COL4A6: variants seen among roughly 807,000 people sequenced by gnomAD.
COL4A6 encodes collagen alpha-6(IV) chain.
COL4A6 carries 59 observed loss-of-function variants against 126.7 expected under a neutral mutation model. The ratio of observed to expected loss-of-function variants is 0.47; its 90% CI spans 0.38 to 0.58. COL4A6 has a LOEUF of 0.58. COL4A6 is among the 20% of genes least tolerant of loss of function. The probability of loss-of-function intolerance (pLI) is 0.00; values close to 1 mark genes in which losing one functional copy is unlikely to be tolerated. For missense variants in COL4A6, 1,285 were observed against 1,337.3 expected (o/e 0.96, Z 0.61); for synonymous variants, 547 against 496.6 (o/e 1.10, Z -1.35).
chrX:108,159,119 G>A (rs2033834562), intron 44 of COL4A6, among the ~76,000 whole-genome samples: 2 of 111,521 alleles, frequency 1.8e-5, no homozygotes, highest in South Asian at 7.6e-4. Flanking sequence ...GGCCCCAAGT[G>A]GTGACAGCCT....
chrX:108,362,215 T>C (rs889868658), intron 2 of COL4A6, among the ~76,000 whole-genome samples: 5 of 111,142 alleles, frequency 4.5e-5, no homozygotes, highest in Non-Finnish European at 9.4e-5. Flanking sequence ...CTGTAGGGAG[T>C]GGTCACAGGT....
At chrX:108,358,287 C>T (rs1569441626) in intron 2 of COL4A6, among the ~76,000 whole-genome samples, 1 of 111,826 alleles carries the variant, frequency 8.9e-6, no homozygotes, top group Non-Finnish European at 1.9e-5. Flanking sequence ...TGAACACTGA[C>T]AGGTAAAGTA....
chrX:108,387,355 T>C (rs1019390430), intron 2 of COL4A6, among the ~76,000 whole-genome samples: 1 of 112,308 alleles, frequency 8.9e-6, no homozygotes, highest in Non-Finnish European at 1.9e-5. Flanking sequence ...GAACATGGAA[T>C]GTTTTTCCAT....
chrX:108,423,403 G>C (rs112557865), intron 2 of COL4A6, among the ~76,000 whole-genome samples: 1 of 111,406 alleles, frequency 9.0e-6, no homozygotes, highest in Non-Finnish European at 1.9e-5. Context: ...AGTGTTATGT[G>C]CATTATCTCT....
intron 2 of COL4A6, among the ~76,000 whole-genome samples, chrX:108,392,457 GAA>G (rs368727247): frequency 3.2e-5 from 3 of 92,652 alleles, no homozygotes; most frequent in Admixed American, 2.3e-4. Flanking sequence ...CAAATGATCT[GAA>G]AAAAAAAAAA....
At chrX:108,433,275 C>A (rs1181804704) in intron 2 of COL4A6, among the ~76,000 whole-genome samples, 1 of 111,582 alleles carries the variant, frequency 9.0e-6, no homozygotes, top group Admixed American at 9.4e-5. Flanking sequence ...TTTCCCATTA[C>A]TATTTTCCCT....
intron 2 of COL4A6, among the ~76,000 whole-genome samples, chrX:108,350,297 T>A (rs1055797229): frequency 2.1e-4 from 24 of 112,057 alleles, no homozygotes; most frequent in African/African-American, 7.1e-4. Context: ...CACAGTTTCA[T>A]CTTTTCCCTA....
rs1225593045 is a variant in COL4A6 at position 108,376,550 on chromosome X, G to A, written c.63+61392C>T. 3.6e-5 allele frequency among the ~76,000 whole-genome samples: 4 copies of A among 112,048 alleles called. No individual in the cohort carries two copies. The East Asian group carries it at 8.3e-4, about 23-fold the overall frequency. ...ACCCAAAAGGTGGAGGTTGCAGTGAGCCAAGATCGTGCCATTGCACTCCAG... is the reference window on the plus strand; with the variant it reads ...ACCCAAAAGGTGGAGGTTGCAGTGAACCAAGATCGTGCCATTGCACTCCAG... On this transcript the variant is annotated intron_variant, in intron 2 of 44. Transcript: ENST00000334504.
At chrX:108,348,079 T>A (rs1189998636) in intron 2 of COL4A6, among the ~76,000 whole-genome samples, 1 of 111,636 alleles carries the variant, frequency 9.0e-6, no homozygotes, top group Non-Finnish European at 1.9e-5. Context: ...TCCGCACAGC[T>A]GCAATTGTAA....
At chrX:108,264,533 G>A (rs1602956780) in intron 3 of COL4A6, among the ~76,000 whole-genome samples, 1 of 111,885 alleles carries the variant, frequency 8.9e-6, no homozygotes, top group African/African-American at 3.2e-5. Flanking sequence ...AATTAAACTT[G>A]TCTCTTGCTG....
intron 41 of COL4A6, among the ~76,000 whole-genome samples, chrX:108,162,442 A>G (rs1003462670): frequency 1.1e-5 from 1 of 94,038 alleles, no homozygotes; most frequent in Non-Finnish European, 2.2e-5. Context: ...GAGGAAGAGG[A>G]AGACGAAGAA....
At chrX:108,381,813 CAAAT>C (rs1440563908) in intron 2 of COL4A6, among the ~76,000 whole-genome samples, 4 of 111,404 alleles carry the variant, frequency 3.6e-5, no homozygotes, top group East Asian at 2.8e-4. Flanking sequence ...TACAGTCTAA[CAAAT>C]AAAATCATAT....
At chrX:108,346,482 A>G (rs2039710263) in intron 2 of COL4A6, among the ~76,000 whole-genome samples, 1 of 112,057 alleles carries the variant, frequency 8.9e-6, no homozygotes, top group Admixed American at 9.4e-5. Flanking sequence ...AGAGAGCCTG[A>G]CAGTCTACCA....
intron 2 of COL4A6, among the ~76,000 whole-genome samples, chrX:108,351,549 C>T (rs2039848513): frequency 9.3e-6 from 1 of 107,849 alleles, no homozygotes; most frequent in Admixed American, 1.0e-4. Flanking sequence ...AGCCACACCT[C>T]GAGTGAATAC....
intron 3 of COL4A6, among the ~76,000 whole-genome samples, chrX:108,246,360 C>T (rs749916914): frequency 1.8e-5 from 2 of 111,983 alleles, no homozygotes; most frequent in East Asian, 2.8e-4. Context: ...AATGGATTTA[C>T]TGGAAAGAGC....
At position 108,159,658 on chromosome X, in the gene COL4A6, T is replaced by C; in HGVS notation, c.4616A>G (p.Asp1539Gly). 1 of 1,212,064 alleles carries C rather than the reference T, an allele frequency of 8.3e-7. No individual in the cohort carries two copies. The highest frequency in any genetic ancestry group is 1.1e-6 in the Non-Finnish European group (1 of 895,613). ...GGTAGTGGAGAGCCAGTAAGATTTA[T>C]CATTGCGCCTGGCATAGTGGCACAC... is the stretch of plus-strand genomic sequence containing the variant. ...NEVCHYARRN[D>G]KSYWLSTTAP... Residue 1539 changes from aspartate to glycine, a missense_variant, in exon 44 of 45, where the codon GAT becomes GGT. Transcript: ENST00000334504.
chrX:108,261,723 G>A (rs1454474140), intron 3 of COL4A6, among the ~76,000 whole-genome samples: 1 of 111,581 alleles, frequency 9.0e-6, no homozygotes, highest in Non-Finnish European at 1.9e-5. Flanking sequence ...TCAAGAGGAG[G>A]CAGGGGAGGA....
chrX:108,157,136 G>A lies in COL4A6; in HGVS notation c.4937C>T (p.Ala1646Val). ...SGARGTCHYFANKYSFWLTTV... is the reference protein window; with the variant it reads ...SGARGTCHYFVNKYSFWLTTV... Reference sequence around the variant, plus strand: ...GGTCAACCAGAAACTGTACTTGTTTGCAAAGTAGTGGCAGGTGCCTCGGGC... The same window carrying A: ...GGTCAACCAGAAACTGTACTTGTTTACAAAGTAGTGGCAGGTGCCTCGGGC... The change falls in exon 45 of 45, where the codon GCA becomes GTA. Residue 1646 changes from alanine to valine, a missense_variant. Transcript: ENST00000334504. The A allele has an allele frequency of 4.1e-6, 5 of 1,212,074 alleles. No individual in the cohort carries two copies. Among genetic ancestry groups the A allele is most frequent in the Non-Finnish European group, 5.6e-6 (5 of 895,549 alleles).
chrX:108,439,348 A>G, upstream of COL4A6: 1 of 811,611 alleles, frequency 1.2e-6, no homozygotes, highest in Non-Finnish European at 1.8e-6. Flanking sequence ...ACATATACTT[A>G]TTTTCTTACT....
Sources: allele counts gnomAD v4.1 joint callset (sites outside exome capture counted in the v4.1 genomes callset), GRCh38; gene constraint gnomAD v4.1.1; transcripts MANE v1.5; gene names NCBI Gene and HGNC (gene_info 2026-07-23, HGNC 2026-07-21).